The following COX14 variants were observed in gnomAD, a reference collection of about 807,000 sequenced individuals.
COX14 encodes the protein cytochrome c oxidase assembly factor COX14.
COX14 carries 3 observed loss-of-function variants against 5.8 expected under a neutral mutation model. The observed-to-expected ratio is 0.51, with a 90% CI of 0.23 to 1.33. The LOEUF (loss-of-function observed/expected upper bound fraction) is 1.33. Among genes scored for constraint, COX14 ranks in the 40% most tolerant of loss-of-function variants. The pLI is 0.18. For synonymous variants in COX14, 25 were observed against 26.1 expected (o/e 0.96, Z 0.13); for missense variants, 72 against 72.1 (o/e 1.00, Z 0.01).
rs1003245495 is a variant in COX14, at chr12:50,112,403, C to T, written c.-9+102C>T. 1.3e-5 allele frequency: 13 copies of T among 985,750 alleles called. No individual in the cohort carries two copies. The African/African-American group carries it at 2.1e-4, about 16-fold the overall frequency. The allele number at this position is 985,750 out of a possible 1,614,324, so 61.1% of individuals were successfully genotyped here. On this transcript the variant is annotated intron_variant, in intron 1 of 1. Transcript: ENST00000550487. ...CCGCGTCCTCCCATCCCCTAGTCTG[C>T]AGGCCTGGTGCCCTTGAATTCACCC...
intron 1 of COX14, among the ~76,000 whole-genome samples, chr12:50,118,269 ACTCCTGACCTCAGGTGATCCACC>A (rs56771446): frequency 0.33 from 49,606 of 150,178 alleles, 8,899 homozygotes; most frequent in East Asian, 0.75. Flanking sequence ...CTGGTCTCGA[ACTCCTGACCTCAGGTGATCCACC>A]CTCCTCGGCC....
intron 1 of COX14, among the ~76,000 whole-genome samples, chr12:50,117,929 GAGAC>G (rs1011374004): frequency 1.3e-5 from 2 of 151,858 alleles, no homozygotes; most frequent in African/African-American, 4.8e-5. Flanking sequence ...ATTTTTAGTA[GAGAC>G]AGGGTTTCAC....
At position 50,120,302 on chromosome 12, in the gene COX14, G is replaced by A; in HGVS notation, c.*85G>A. ...CCTGCCACCATTTCCAGGTCAACAGGACTAGAGCGTTGATGGTTTTCAAAC... is the reference window on the plus strand; with the variant it reads ...CCTGCCACCATTTCCAGGTCAACAGAACTAGAGCGTTGATGGTTTTCAAAC... On this transcript the variant is annotated 3_prime_UTR_variant, in exon 2 of 2. Transcript: ENST00000550487. 1 of 1,185,020 alleles carries A rather than the reference G, an allele frequency of 8.4e-7. No individual in the cohort carries two copies. The highest frequency in any genetic ancestry group is 1.2e-6 in the Non-Finnish European group (1 of 835,404). 73.4% of individuals were successfully genotyped at this position (1,185,020 alleles called of 1,614,324 possible). A position where few individuals can be genotyped will look rare whatever the true frequency, so the allele number is the denominator to read the frequency against.
At chr12:50,114,364 C>G (rs1005804485) in intron 1 of COX14, among the ~76,000 whole-genome samples, 11 of 151,852 alleles carry the variant, frequency 7.2e-5, no homozygotes, top group African/African-American at 2.7e-4. Context: ...ATTCTCCTGC[C>G]TCAGCCTCCT....
intron 1 of COX14, chr12:50,112,530 T>C: frequency 4.2e-6 from 4 of 957,756 alleles, no homozygotes; most frequent in Non-Finnish European, 5.0e-6. Flanking sequence ...GCTAATCCTG[T>C]CAAACCTCGA....
chr12:50,112,264 G>A lies in COX14; in HGVS notation c.-46G>A. On this transcript the variant is annotated 5_prime_UTR_variant, in exon 1 of 2. Coordinates refer to ENST00000550487, the MANE Select transcript of COX14 (RefSeq NM_032901.4). ...GGCCTCGAGACCCTGCCTGCCTGAG[G>A]AGGCCTCGGTTGGATGCGAAGGAGC... The A allele has an allele frequency of 3.1e-6, 3 of 983,074 alleles. No homozygotes were observed. Among genetic ancestry groups the A allele is most frequent in the Non-Finnish European group, 3.6e-6 (3 of 827,718 alleles). The allele number at this position is 983,074 out of a possible 1,614,324, so 60.9% of individuals were successfully genotyped here.
intron 1 of COX14, among the ~76,000 whole-genome samples, chr12:50,117,122 A>G (rs1592310303): frequency 6.6e-6 from 1 of 151,634 alleles, no homozygotes; most frequent in Non-Finnish European, 1.5e-5. Flanking sequence ...CAATCCTCCC[A>G]CCTCAGCCTC....
chr12:50,119,813 T>C (rs1228332727), intron 1 of COX14, among the ~76,000 whole-genome samples: 1 of 152,240 alleles, frequency 6.6e-6, no homozygotes, highest in Non-Finnish European at 1.5e-5. Flanking sequence ...CAGGCTTGTT[T>C]CTGTATCTTG....
rs1252259666 is a variant in COX14 at position 50,120,052 on chromosome 12, T to TTATA, written c.9_10insTATA (p.Gly4TyrfsTer7). 1 of 1,614,140 alleles carries TTATA rather than the reference T, an allele frequency of 6.2e-7. No homozygotes were observed. Among genetic ancestry groups the TTATA allele is most frequent in the East Asian group, 2.2e-5 (1 of 44,888 alleles). On this transcript the variant is annotated frameshift_variant, in exon 2 of 2. Transcript: ENST00000550487. LOFTEE classifies it high-confidence loss of function. ...TCTTTGTAGGGGACAAGATGCCAAC[T>TTATA]GGCAAGCAGCTAGCTGACATTGGCT...
At chr12:50,118,969 T>C (rs1350407718) in intron 1 of COX14, among the ~76,000 whole-genome samples, 1 of 152,154 alleles carries the variant, frequency 6.6e-6, no homozygotes, top group Admixed American at 6.5e-5. Context: ...TACTAAACTT[T>C]CTCTTGTTTC....
chr12:50,119,840 G>T (rs958787986), intron 1 of COX14, among the ~76,000 whole-genome samples, 196 bp from the exon 2 acceptor site: 3 of 152,142 alleles, frequency 2.0e-5, no homozygotes, highest in African/African-American at 7.2e-5. Context: ...CATTTTATTT[G>T]CCCTTTTGAA....
chr12:50,112,688 A>G (rs1164135048), intron 1 of COX14: 3 of 154,142 alleles, frequency 1.9e-5, no homozygotes, highest in Non-Finnish European at 2.9e-5. Context: ...CACTTCCTGG[A>G]ATGCTCTCAC....
intron 1 of COX14, 54 bp from the exon 2 acceptor site, chr12:50,119,982 G>A: frequency 7.2e-7 from 1 of 1,393,470 alleles, no homozygotes; most frequent in Non-Finnish European, 1.0e-6. Context: ...ACAGGGAGAT[G>A]GGCTGGGCAG....
At chr12:50,119,051 G>T (rs1461190203) in intron 1 of COX14, among the ~76,000 whole-genome samples, 1 of 152,200 alleles carries the variant, frequency 6.6e-6, no homozygotes, top group Non-Finnish European at 1.5e-5. Flanking sequence ...TTAACAATTT[G>T]CTGGGGACCC....
intron 1 of COX14, among the ~76,000 whole-genome samples, chr12:50,115,145 G>A (rs1210084019): frequency 6.7e-6 from 1 of 149,550 alleles, no homozygotes. Flanking sequence ...GGGCTCAAGC[G>A]ATTCTCCTGC....
At chr12:50,117,561 C>T (rs1251389763) in intron 1 of COX14, among the ~76,000 whole-genome samples, 7 of 150,504 alleles carry the variant, frequency 4.7e-5, no homozygotes, top group African/African-American at 1.7e-4. Flanking sequence ...GGCTTCCACC[C>T]TGGCACTCTT....
intron 1 of COX14, chr12:50,118,330 A>G: frequency 1.7e-6 from 1 of 578,392 alleles, no homozygotes; most frequent in Non-Finnish European, 2.2e-6. Context: ...TACAGGCGTG[A>G]GCCACTGCAT....
Position 50,118,929 on chromosome 12 carries a change from G to A in COX14, c.-8-1107G>A, listed in dbSNP as rs2137946200. On this transcript the variant is annotated intron_variant, in intron 1 of 1. Transcript: ENST00000550487. The stretch of plus-strand genomic sequence containing the variant: ...GAACACATTCATAGTCCCAAATTGA[G>A]GGACATTTTGTTCCAGATGAGGGAT... Among the ~76,000 whole-genome samples, 2 of 152,236 alleles carry A rather than the reference G, an allele frequency of 1.3e-5. 1 individual carries two copies. Among genetic ancestry groups the A allele is most frequent in the South Asian group, 4.1e-4 (2 of 4,824 alleles).
intron 1 of COX14, among the ~76,000 whole-genome samples, chr12:50,119,287 C>T (rs1042451976): frequency 6.6e-6 from 1 of 152,208 alleles, no homozygotes; most frequent in Non-Finnish European, 1.5e-5. Flanking sequence ...TGAAAGGTTC[C>T]CATTTGATCT....
Sources: allele counts gnomAD v4.1 joint callset (sites outside exome capture counted in the v4.1 genomes callset), GRCh38; gene constraint gnomAD v4.1.1; transcripts MANE v1.5; gene names NCBI Gene and HGNC (gene_info 2026-07-23, HGNC 2026-07-21).